The following ATP10B variants were observed in gnomAD, a reference collection of about 807,000 sequenced individuals.
ATP10B encodes ATPase phospholipid transporting 10B (putative).
ATP10B carries 122 observed loss-of-function variants against 141.2 expected under a neutral mutation model. The observed-to-expected ratio is 0.86, with a 90% CI of 0.75 to 1.00. The LOEUF (loss-of-function observed/expected upper bound fraction) is 1.00. Among genes scored for constraint, ATP10B ranks in the 50% least tolerant of loss-of-function variants. The probability of loss-of-function intolerance (pLI) is 0.00; values close to 1 mark genes in which losing one functional copy is unlikely to be tolerated. For missense variants in ATP10B, 1,876 were observed against 1,825.3 expected, an observed-to-expected ratio of 1.03 and a Z score of -0.51; for synonymous variants, 685 against 692.0, an observed-to-expected ratio of 0.99 and a Z score of 0.16.
intron 1 of ATP10B, among the ~76,000 whole-genome samples, chr5:160,841,110 A>T (rs554668838): frequency 6.6e-6 from 1 of 152,292 alleles, no homozygotes; most frequent in Non-Finnish European, 1.5e-5. Flanking sequence ...CTGAAGATAC[A>T]TATATATTTA....
At chr5:160,741,509 C>T (rs1429880681) in intron 2 of ATP10B, among the ~76,000 whole-genome samples, 1 of 152,144 alleles carries the variant, frequency 6.6e-6, no homozygotes, top group Non-Finnish European at 1.5e-5. Flanking sequence ...TAGGAATGGG[C>T]TACAAGAGCT....
chr5:160,682,406 C>A (rs575236310), intron 6 of ATP10B, among the ~76,000 whole-genome samples: 1 of 152,236 alleles, frequency 6.6e-6, no homozygotes, highest in East Asian at 1.9e-4. Flanking sequence ...AGCTGGTGGA[C>A]TAATGTTTCT....
At chr5:160,683,510 C>A (rs767583698) in intron 6 of ATP10B, among the ~76,000 whole-genome samples, 6 of 152,242 alleles carry the variant, frequency 3.9e-5, no homozygotes, top group African/African-American at 1.4e-4. Context: ...GGCCACCTTT[C>A]ACTCCCCTGG....
intron 1 of ATP10B, among the ~76,000 whole-genome samples, chr5:160,848,753 C>A (rs1040531941): frequency 1.3e-5 from 2 of 152,118 alleles, no homozygotes; most frequent in Admixed American, 6.6e-5. Flanking sequence ...TCTAGTCATA[C>A]CAAAATGAGA....
chr5:160,842,361 C>T (rs1035167233), intron 1 of ATP10B, among the ~76,000 whole-genome samples: 1 of 151,574 alleles, frequency 6.6e-6, no homozygotes, highest in Non-Finnish European at 1.5e-5. Flanking sequence ...GCCTTAAATG[C>T]CTATATTAGA....
chr5:160,771,249 G>T (rs1475302042), intron 2 of ATP10B, among the ~76,000 whole-genome samples: 1 of 152,146 alleles, frequency 6.6e-6, no homozygotes, highest in Non-Finnish European at 1.5e-5. Context: ...TCTTTTAGGG[G>T]TGATAAAATA....
chr5:160,886,345 C>G, the ATP10B span, among the ~76,000 whole-genome samples: 1 of 152,100 alleles, frequency 6.6e-6, no homozygotes, highest in Non-Finnish European at 1.5e-5. Flanking sequence ...TAAACAGGTA[C>G]AGATAACTGG....
chr5:160,565,645 G>A lies in ATP10B; in HGVS notation c.4194C>T (p.Leu1398=). 1 of 1,614,118 alleles carries A rather than the reference G, an allele frequency of 6.2e-7. No individual in the cohort carries two copies. Among genetic ancestry groups the A allele is most frequent in the Non-Finnish European group, 8.5e-7 (1 of 1,179,988 alleles). The change falls in exon 26 of 26, where the codon CTC becomes CTT. Residue 1398 remains leucine (L), a synonymous_variant. Transcript: ENST00000327245. The part of the protein sequence containing the change: ...PKRKHVEESV[L]HEQRCGTECM... ...ACTCCGTGCCACATCTCTGTTCGTG[G>A]AGTACTGACTCTTCCACATGCTTCC...
At chr5:160,792,069 C>T (rs1278831723) in intron 1 of ATP10B, among the ~76,000 whole-genome samples, 1 of 152,058 alleles carries the variant, frequency 6.6e-6, no homozygotes, top group African/African-American at 2.4e-5. Flanking sequence ...TCAAATCTTA[C>T]CTCCTCCAAT....
chr5:160,890,461 T>A, the ATP10B span, among the ~76,000 whole-genome samples: 64 of 152,316 alleles, frequency 4.2e-4, no homozygotes, highest in East Asian at 3.7e-3. Context: ...CTTTGCCCAG[T>A]CCCTGGCAAC....
intron 24 of ATP10B, among the ~76,000 whole-genome samples, chr5:160,575,921 T>A (rs1755161853): frequency 6.6e-6 from 1 of 152,208 alleles, no homozygotes; most frequent in African/African-American, 2.4e-5. Flanking sequence ...TCTCCCTTTC[T>A]TCATCCTGCT....
intron 1 of ATP10B, among the ~76,000 whole-genome samples, chr5:160,820,523 A>G (rs1301516746): frequency 3.9e-5 from 6 of 152,148 alleles, no homozygotes; most frequent in Non-Finnish European, 8.8e-5. Flanking sequence ...AGGAAGAAAT[A>G]CTTCCAAACT....
the ATP10B span, among the ~76,000 whole-genome samples, chr5:160,862,090 G>A: frequency 1.3e-5 from 2 of 151,926 alleles, no homozygotes; most frequent in African/African-American, 2.4e-5. Flanking sequence ...GGGAATTAGT[G>A]CCTCTTTGAA....
chr5:160,893,773 C>A, the ATP10B span, among the ~76,000 whole-genome samples: 1 of 152,200 alleles, frequency 6.6e-6, no homozygotes, highest in Admixed American at 6.5e-5. Context: ...CAGGGGTCGA[C>A]AGACACCTCA....
chr5:160,590,989 GGA>G, intron 23 of ATP10B, 68 bp downstream of exon 23: 1 of 1,354,082 alleles, frequency 7.4e-7, no homozygotes, highest in Non-Finnish European at 1.1e-6. Context: ...CTACTGGTCT[GGA>G]ACTTTATATA....
At chr5:160,619,969 G>A (rs902764279) in intron 15 of ATP10B, among the ~76,000 whole-genome samples, 5 of 152,164 alleles carry the variant, frequency 3.3e-5, no homozygotes, top group East Asian at 1.9e-4. Context: ...TAAGTTGAGT[G>A]TGCTTTTCTC....
At chr5:160,685,035 T>C in intron 6 of ATP10B, 2 of 703,596 alleles carry the variant, frequency 2.8e-6, no homozygotes, top group South Asian at 3.0e-5. Context: ...CAAACCGGTG[T>C]AGCTGCTCAA....
At chr5:160,652,877 A>T (rs1245274283) in intron 7 of ATP10B, among the ~76,000 whole-genome samples, 1 of 81,468 alleles carries the variant, frequency 1.2e-5, no homozygotes, top group Non-Finnish European at 2.0e-5. Flanking sequence ...AATATATATA[A>T]TATATATATA....
intron 3 of ATP10B, among the ~76,000 whole-genome samples, chr5:160,693,453 C>T (rs182042990): frequency 1.4e-5 from 2 of 146,030 alleles, no homozygotes; most frequent in African/African-American, 5.1e-5. Flanking sequence ...CACACACACA[C>T]ACAGTGGTAT....
Sources: allele counts gnomAD v4.1 joint callset (sites outside exome capture counted in the v4.1 genomes callset), GRCh38; gene constraint gnomAD v4.1.1; transcripts MANE v1.5; gene names NCBI Gene and HGNC (gene_info 2026-07-23, HGNC 2026-07-21).